IL1RAPL2: variants seen among roughly 807,000 people sequenced by gnomAD.
IL1RAPL2 encodes interleukin 1 receptor accessory protein like 2.
In IL1RAPL2, 3 loss-of-function variants were observed where a neutral mutation model predicts 44.1. The observed-to-expected ratio is 0.07, with a 90% confidence interval of 0.03 to 0.18. The LOEUF is 0.18. Ranked by LOEUF, IL1RAPL2 falls within the 10% of genes least tolerant of loss-of-function variation. The pLI is 1.00. For synonymous variants in IL1RAPL2, 181 were observed against 178.8 expected (o/e 1.01, Z -0.10); for missense variants, 391 against 496.4 (o/e 0.79, Z 2.02).
chrX:105,187,774 G>T (rs975296207), intron 2 of IL1RAPL2, among the ~76,000 whole-genome samples: 5 of 111,480 alleles, frequency 4.5e-5, no homozygotes, highest in African/African-American at 1.6e-4. Flanking sequence ...AGTTTCAGTC[G>T]AACAGTAGGA....
intron 2 of IL1RAPL2, among the ~76,000 whole-genome samples, chrX:105,035,981 G>T (rs770423354): frequency 1.1e-4 from 12 of 111,554 alleles, no homozygotes; most frequent in African/African-American, 3.6e-4. Context: ...AGTCTTTTAT[G>T]TTTTTAATCC....
chrX:105,749,257 C>G (rs888307622), intron 9 of IL1RAPL2, among the ~76,000 whole-genome samples, 154 bp downstream of exon 9: 5 of 111,343 alleles, frequency 4.5e-5, no homozygotes, highest in African/African-American at 1.3e-4. Context: ...GAAGACTTAC[C>G]AAGAAAAAGA....
intron 2 of IL1RAPL2, among the ~76,000 whole-genome samples, chrX:105,044,678 G>A (rs1423945057): frequency 5.4e-5 from 6 of 111,690 alleles, no homozygotes; most frequent in Non-Finnish European, 1.1e-4. Context: ...CTTATGAAAT[G>A]TCTTTAAAGC....
At chrX:104,668,682 AT>A (rs35941481) in intron 2 of IL1RAPL2, among the ~76,000 whole-genome samples, 101 of 101,704 alleles carry the variant, frequency 9.9e-4, no homozygotes, top group Middle Eastern at 5.0e-3. Context: ...GGAATTAATG[AT>A]TTTTTTTTTT....
At chrX:105,519,889 T>A (rs2036543187) in intron 6 of IL1RAPL2, among the ~76,000 whole-genome samples, 1 of 111,813 alleles carries the variant, frequency 8.9e-6, no homozygotes, top group South Asian at 3.8e-4. Flanking sequence ...CCCTATTTTT[T>A]ACTTTAAACA....
chrX:104,826,789 T>C (rs1180336855), intron 2 of IL1RAPL2, among the ~76,000 whole-genome samples: 2 of 110,842 alleles, frequency 1.8e-5, no homozygotes, highest in Non-Finnish European at 3.8e-5. Context: ...TGAATTTGGC[T>C]GCTCCTGTAC....
At chrX:104,995,263 C>A (rs952378480) in intron 2 of IL1RAPL2, among the ~76,000 whole-genome samples, 1 of 111,455 alleles carries the variant, frequency 9.0e-6, no homozygotes, top group Admixed American at 9.6e-5. Flanking sequence ...TATAAGCACC[C>A]TAAGAGCTGG....
chrX:104,817,217 A>G (rs1921160531), intron 2 of IL1RAPL2, among the ~76,000 whole-genome samples: 1 of 112,635 alleles, frequency 8.9e-6, no homozygotes, highest in African/African-American at 3.2e-5. Flanking sequence ...CCTCTCTGGA[A>G]TGGAAGGGTC....
At chrX:105,251,118 G>C (rs2034265105) in intron 4 of IL1RAPL2, among the ~76,000 whole-genome samples, 1 of 110,468 alleles carries the variant, frequency 9.1e-6, no homozygotes, top group Non-Finnish European at 1.9e-5. Context: ...AAAAATAGTG[G>C]TTTAGGAATG....
chrX:105,284,414 G>T (rs1158122955), intron 5 of IL1RAPL2, among the ~76,000 whole-genome samples: 1 of 112,121 alleles, frequency 8.9e-6, no homozygotes, highest in Non-Finnish European at 1.9e-5. Context: ...AAGCCTGTCT[G>T]TAAGTGTCTG....
intron 2 of IL1RAPL2, among the ~76,000 whole-genome samples, chrX:104,718,438 C>T (rs1602695507): frequency 9.0e-6 from 1 of 111,074 alleles, no homozygotes; most frequent in East Asian, 2.9e-4. Flanking sequence ...CCCCATGTGT[C>T]AAGGGAGGGA....
chrX:104,848,418 T>TAC (rs1301061604), intron 2 of IL1RAPL2, among the ~76,000 whole-genome samples: 2 of 30,409 alleles, frequency 6.6e-5, no homozygotes, highest in Non-Finnish European at 1.5e-4. Context: ...TGTATATATA[T>TAC]ATATATATAT....
At chrX:105,168,448 T>TGC (rs1359601544) in intron 2 of IL1RAPL2, among the ~76,000 whole-genome samples, 2 of 88,539 alleles carry the variant, frequency 2.3e-5, no homozygotes, top group African/African-American at 7.2e-5. Context: ...TGTGTGTGTG[T>TGC]GTGTGCACGT....
At position 105,046,093 on chromosome X, in the gene IL1RAPL2, A is replaced by C. The variant is rs780132480; in HGVS notation, c.83-149382A>C. ...ACTTCCAGATCCTCATAGACTTCCT[A>C]GTACATGAAGTGCTCAAGCTACTCA... On this transcript the variant is annotated intron_variant, in intron 2 of 10. Transcript: ENST00000372582. 2.7e-5 allele frequency among the ~76,000 whole-genome samples: 3 copies of C among 111,444 alleles called. No homozygotes were observed. The East Asian group carries it at 8.5e-4, about 32-fold the overall frequency.
At chrX:104,928,742 C>T (rs1318453287) in intron 2 of IL1RAPL2, among the ~76,000 whole-genome samples, 2 of 110,731 alleles carry the variant, frequency 1.8e-5, no homozygotes, top group African/African-American at 6.6e-5. Context: ...ACATGTACTA[C>T]GTGATGTTAC....
Position 105,028,210 on chromosome X carries a change from G to C in IL1RAPL2, c.83-167265G>C, listed in dbSNP as rs1022440591. 2.7e-5 allele frequency among the ~76,000 whole-genome samples: 3 copies of C among 111,156 alleles called. No individual in the cohort carries two copies. In the Admixed American group the frequency reaches 2.9e-4, roughly 11 times the overall value. ...GGTGGAGAGCTGGCTGGAAGCTGGG[G>C]ATGGTTAATGGGTACAAAAAATAGT... is the stretch of plus-strand genomic sequence containing the variant. On this transcript the variant is annotated intron_variant, in intron 2 of 10. Transcript: ENST00000372582.
At chrX:104,876,870 C>A (rs1922916874) in intron 2 of IL1RAPL2, among the ~76,000 whole-genome samples, 1 of 108,959 alleles carries the variant, frequency 9.2e-6, no homozygotes, top group South Asian at 4.0e-4. Flanking sequence ...CCAATGCTAT[C>A]CCTCCCCGCT....
chrX:105,134,616 G>T (rs999758193), intron 2 of IL1RAPL2, among the ~76,000 whole-genome samples: 1 of 111,367 alleles, frequency 9.0e-6, no homozygotes, highest in Non-Finnish European at 1.9e-5. Flanking sequence ...ATATCTGAGG[G>T]TGAGGAGAGA....
chrX:105,373,976 A>G (rs60585853), intron 5 of IL1RAPL2, among the ~76,000 whole-genome samples: 14,164 of 109,065 alleles, frequency 0.13, 2,291 homozygotes, highest in African/African-American at 0.45. Flanking sequence ...AAAATTAGCC[A>G]GGCATAGTAG....
Sources: gnomAD v4.1 joint callset for allele counts (sites outside exome capture counted in the v4.1 genomes callset) on GRCh38, gnomAD v4.1.1 for gene constraint, MANE v1.5 for transcripts, NCBI Gene and HGNC (gene_info 2026-07-23, HGNC 2026-07-21) for gene names.